The following DNAAF8 variants were observed in gnomAD, a reference collection of about 807,000 sequenced individuals.
The protein encoded by DNAAF8 is dynein axonemal assembly factor 8.
In DNAAF8, 61 loss-of-function variants were observed where a neutral mutation model predicts 54.6. That is an observed-to-expected ratio of 1.12 (90% CI 0.91 to 1.38). The LOEUF is 1.38. Among genes scored for constraint, DNAAF8 ranks in the 40% most tolerant of loss-of-function variants. The probability of loss-of-function intolerance (pLI) is 0.00; values close to 1 mark genes in which losing one functional copy is unlikely to be tolerated. For missense variants in DNAAF8, 837 were observed against 665.0 expected (o/e 1.26, Z -2.85); for synonymous variants, 320 against 270.1 (o/e 1.18, Z -1.81).
chr16:4,747,242 A>T, intron 8 of DNAAF8, 101 bp from the exon 9 acceptor site: 1 of 1,407,364 alleles, frequency 7.1e-7, no homozygotes, highest in South Asian at 1.4e-5. Flanking sequence ...CTTGCTCTGA[A>T]ATGGGAGCTG....
chr16:4,736,790 A>C (rs955915201), intron 2 of DNAAF8, 147 bp downstream of exon 2: 2 of 935,790 alleles, frequency 2.1e-6, no homozygotes, highest in Admixed American at 6.6e-5. Context: ...TCGCATGGCC[A>C]GACTCAAAGT....
chr16:4,742,795 T>G lies in DNAAF8; in HGVS notation c.784-248T>G, dbSNP rs1433481013. The stretch of plus-strand genomic sequence containing the variant: ...AACGTCTTTGTGCCAAAAACAAAAG[T>G]GAAGTACTGATCCCCAAGAAAGCAT... On this transcript the variant is annotated intron_variant, in intron 4 of 9. Transcript: ENST00000299320. Among the ~76,000 whole-genome samples the G allele has an allele frequency of 2.0e-5, 3 of 151,988 alleles. No individual in the cohort carries two copies. The East Asian group carries it at 5.8e-4, about 29-fold the overall frequency.
chr16:4,749,023 A>T lies in DNAAF8; in HGVS notation c.*308A>T, dbSNP rs1342063111. On this transcript the variant is annotated 3_prime_UTR_variant, in exon 10 of 10. Coordinates refer to ENST00000299320, the MANE Select transcript of DNAAF8 (RefSeq NM_139170.3). ...CGTGATCTGGCCACTGGGGACCCCC[A>T]CCCGACCCCACTCCCAATGATGAGG... 6.6e-6 allele frequency: 1 copy of T among 152,264 alleles called. No homozygotes were observed. The highest frequency in any genetic ancestry group is 1.5e-5 in the Non-Finnish European group (1 of 68,082). The allele number at this position is 152,264 out of a possible 1,614,324, so 9.4% of individuals were successfully genotyped here. A position where few individuals can be genotyped will look rare whatever the true frequency, so the allele number is the denominator to read the frequency against.
chr16:4,747,288 G>A, intron 8 of DNAAF8, 55 bp from the exon 9 acceptor site: 1 of 1,508,268 alleles, frequency 6.6e-7, no homozygotes, highest in Non-Finnish European at 8.9e-7. Flanking sequence ...AGTAAGGAGG[G>A]CTGGGAGGGG....
chr16:4,747,356 A>G lies in DNAAF8; in HGVS notation c.1294A>G (p.Lys432Glu), dbSNP rs1190606082. 6.3e-7 allele frequency: 1 copy of G among 1,584,084 alleles called. No individual in the cohort carries two copies. Among genetic ancestry groups the G allele is most frequent in the Non-Finnish European group, 8.6e-7 (1 of 1,162,938 alleles). The change falls in exon 9 of 10, where the codon AAA (lysine) becomes GAA (glutamate). Residue 432 changes from lysine to glutamate, a missense_variant. Physicochemically the swap from Lys to Glu is moderately conservative, Grantham distance 56. Coordinates refer to ENST00000299320, the MANE Select transcript of DNAAF8 (RefSeq NM_139170.3). ...SSLGLRTCTG[K>E]SQLLQQLRAF... ...ATTGTGTCACAGGACCTGTACCGGG[A>G]AAAGCCAGCTTCTCCAGCAGCTCAG...
intron 1 of DNAAF8, chr16:4,735,370 G>C (rs1171470460): frequency 6.6e-6 from 1 of 152,194 alleles, no homozygotes; most frequent in Non-Finnish European, 1.5e-5. Context: ...AGTGCACCAA[G>C]CACCTGCCCT....
intron 3 of DNAAF8, among the ~76,000 whole-genome samples, chr16:4,738,231 A>G (rs2081919751): frequency 6.6e-6 from 1 of 152,046 alleles, no homozygotes; most frequent in African/African-American, 2.4e-5. Flanking sequence ...CTACCATGGC[A>G]TCCTGAATAG....
intron 6 of DNAAF8, among the ~76,000 whole-genome samples, chr16:4,745,585 G>A (rs1265231227): frequency 1.3e-5 from 2 of 152,214 alleles, no homozygotes; most frequent in Admixed American, 6.5e-5. Context: ...AGGAATCTGA[G>A]AACCAGTGAA....
chr16:4,744,451 C>T (rs928182006), intron 5 of DNAAF8, among the ~76,000 whole-genome samples: 1 of 151,760 alleles, frequency 6.6e-6, no homozygotes, highest in South Asian at 2.1e-4. Context: ...GAGGGGATCT[C>T]CGTAGGTTAA....
At position 4,747,575 on chromosome 16, in the gene DNAAF8, G is replaced by A; in HGVS notation, c.1513G>A (p.Glu505Lys). The A allele has an allele frequency of 6.2e-7, 1 of 1,611,428 alleles. No individual in the cohort carries two copies. The highest frequency in any genetic ancestry group is 2.2e-5 in the East Asian group (1 of 44,856). The change falls in exon 9 of 10, where the codon GAG (glutamate) becomes AAG (lysine). Residue 505 changes from glutamate (E) to lysine (K), a missense_variant. Physicochemically the swap from Glu to Lys is moderately conservative, Grantham distance 56 (BLOSUM62 1). Transcript: ENST00000299320. ...GCCCAGAGCCCTGGGGGATGTTCCT[G>A]AGCCAGGGGCAGCCAGGGAGGCCCT... ...GRPRALGDVP[E>K]PGAAREALMP...
At chr16:4,747,214 G>A in intron 8 of DNAAF8, 129 bp from the exon 9 acceptor site, 1 of 1,290,032 alleles carries the variant, frequency 7.8e-7, no homozygotes, top group East Asian at 2.3e-5. Flanking sequence ...AGCAGTGATG[G>A]GCTGCCTGAA....
chr16:4,744,127 T>C (rs1172424746), intron 5 of DNAAF8, among the ~76,000 whole-genome samples: 3 of 152,060 alleles, frequency 2.0e-5, no homozygotes, highest in African/African-American at 4.8e-5. Context: ...GAAACGGGAT[T>C]TCACCATGTT....
At chr16:4,741,375 G>C (rs534027109) in intron 4 of DNAAF8, among the ~76,000 whole-genome samples, 1 of 152,188 alleles carries the variant, frequency 6.6e-6, no homozygotes, top group Non-Finnish European at 1.5e-5. Flanking sequence ...ACCTGGTTCT[G>C]TCAAAGCCTG....
rs1326154466 is a variant in DNAAF8, at chr16:4,743,132, G to A, written c.873G>A (p.Trp291Ter). The A allele has an allele frequency of 6.2e-7, 1 of 1,609,478 alleles. No homozygotes were observed. The highest frequency in any genetic ancestry group is 2.2e-5 in the East Asian group (1 of 44,540). The change falls in exon 5 of 10, where the codon TGG becomes TGA. Residue 291 changes from tryptophan (W) to a stop codon, truncating the protein, a stop_gained. Coordinates refer to ENST00000299320, the MANE Select transcript of DNAAF8 (RefSeq NM_139170.3). LOFTEE classifies it high-confidence loss of function. ...NQGNRAPGTV[W>*]WAADHRQVQD... ...GAAATCGTGCACCTGGAACTGTGTG[G>A]TGGGCAGCTGACCACCGCCAAGTTC...
rs2081931570 is a variant in DNAAF8, at chr16:4,739,265, G to GTTTTTGTTTTT, written c.277-883_277-882insGTTTTTTTTTT. On this transcript the variant is annotated intron_variant, in intron 3 of 9. Transcript: ENST00000299320. The stretch of plus-strand genomic sequence containing the variant: ...AAACTCTTCTGGATGATTTTTTCTT[G>GTTTTTGTTTTT]TTTTTTTTTTTTTTTTTTTTTGTAA... Among the ~76,000 whole-genome samples, 2 of 69,030 alleles carry GTTTTTGTTTTT rather than the reference G, an allele frequency of 2.9e-5. 1 individual carries two copies. The highest frequency in any genetic ancestry group is 5.2e-5 in the Non-Finnish European group (2 of 38,442). 45.3% of individuals were successfully genotyped at this position (69,030 alleles called of 152,430 possible).
At position 4,736,429 on chromosome 16, in the gene DNAAF8, C is replaced by G. The variant is rs1274166875; in HGVS notation, c.-51-35C>G. On this transcript the variant is annotated intron_variant, in intron 1 of 9. Transcript: ENST00000299320. ...CCCTGCTCTCCTGACCTTCAGTGGC[C>G]CGGACCCTCTTCCATCACCCTGTGT... 7.3e-6 allele frequency: 10 copies of G among 1,363,066 alleles called. No homozygotes were observed. The Admixed American group carries it at 2.7e-4, about 37-fold the overall frequency. 84.4% of individuals were successfully genotyped at this position (1,363,066 alleles called of 1,614,324 possible). A position where few individuals can be genotyped will look rare whatever the true frequency, so the allele number is the denominator to read the frequency against.
At chr16:4,746,544 C>G (rs1364920686) in intron 7 of DNAAF8, 32 bp downstream of exon 7, 1 of 1,599,500 alleles carries the variant, frequency 6.3e-7, no homozygotes, top group South Asian at 1.1e-5. Flanking sequence ...CCATACCAGC[C>G]TCTACTTTGC....
rs749494886 is a variant in DNAAF8, at chr16:4,740,258, G to C, written c.382G>C (p.Glu128Gln). The C allele has an allele frequency of 1.2e-6, 2 of 1,614,066 alleles. No individual in the cohort carries two copies. The highest frequency in any genetic ancestry group is 1.7e-6 in the Non-Finnish European group (2 of 1,179,994). Residue 128 changes from glutamate to glutamine, a missense_variant, in exon 4 of 10, where the codon GAA (glutamate) becomes CAA (glutamine). Coordinates refer to ENST00000299320, the MANE Select transcript of DNAAF8 (RefSeq NM_139170.3). ...AGGAAGAGACCCTGGCAGGCCTTTT[G>C]AAAGCTCTGGTGAGGTCAGCGCTCT... ...QEGRDPGRPFESSGEVSALLG... is the reference protein window; with the variant it reads ...QEGRDPGRPFQSSGEVSALLG...
Position 4,746,379 on chromosome 16 carries a change from G to A in DNAAF8, c.1048G>A (p.Ala350Thr). Reference sequence around the variant, plus strand: ...CACCTGCTTTTCTCATTTCAGATGTGCCTCAAGGAAGCAGGGCTCCCAGGC... The same window carrying A: ...CACCTGCTTTTCTCATTTCAGATGTACCTCAAGGAAGCAGGGCTCCCAGGC... ...TKEADSGSRC[A>T]SRKQGSQAGP... Residue 350 changes from alanine (A) to threonine (T), a missense_variant, in exon 7 of 10, where the codon GCC (alanine) becomes ACC (threonine). By Grantham distance (58) the Ala-to-Thr change is moderately conservative (BLOSUM62 0). Transcript: ENST00000299320. 6.2e-7 allele frequency: 1 copy of A among 1,611,328 alleles called. No individual in the cohort carries two copies. Among genetic ancestry groups the A allele is most frequent in the African/African-American group, 1.3e-5 (1 of 74,854 alleles).
Sources: gnomAD v4.1 joint callset for allele counts (sites outside exome capture counted in the v4.1 genomes callset) on GRCh38, gnomAD v4.1.1 for gene constraint, MANE v1.5 for transcripts, NCBI Gene and HGNC (gene_info 2026-07-23, HGNC 2026-07-21) for gene names.